RPS6KA2: variants seen among roughly 807,000 people sequenced by gnomAD.
RPS6KA2 encodes the protein ribosomal protein S6 kinase A2.
A neutral mutation model predicts 91.8 loss-of-function variants in RPS6KA2; 42 were observed. The ratio of observed to expected loss-of-function variants is 0.46; its 90% CI spans 0.36 to 0.59. RPS6KA2 has a LOEUF of 0.59. Among genes scored for constraint, RPS6KA2 ranks in the 20% least tolerant of loss-of-function variants. RPS6KA2 has a pLI of 0.00. For synonymous variants in RPS6KA2, 414 were observed against 393.6 expected (o/e 1.05, Z -0.61); for missense variants, 798 against 978.5 (o/e 0.82, Z 2.46).
rs183031209 is a variant in RPS6KA2 at position 166,844,779 on chromosome 6, T to C, written c.123+13421A>G. On this transcript the variant is annotated intron_variant, in intron 2 of 21. Transcript: ENST00000503859. ...GAGAACTGCTAGAAGGAGCCCTAAATCTTGAAACAAATCCTCTAAATACAC... is the reference window on the plus strand; with the variant it reads ...GAGAACTGCTAGAAGGAGCCCTAAACCTTGAAACAAATCCTCTAAATACAC... Among the ~76,000 whole-genome samples, 67 of 152,256 alleles carry C rather than the reference T, an allele frequency of 4.4e-4. 1 individual carries two copies. Among genetic ancestry groups the C allele is most frequent in the African/African-American group, 1.4e-3 (60 of 41,568 alleles).
At chr6:166,528,531 A>T (rs922683482) in intron 3 of RPS6KA2, among the ~76,000 whole-genome samples, 3 of 149,852 alleles carry the variant, frequency 2.0e-5, no homozygotes, top group Admixed American at 6.7e-5. Flanking sequence ...TGTCTAAAAC[A>T]CCAAAAGCAA....
intron 2 of RPS6KA2, among the ~76,000 whole-genome samples, chr6:166,649,706 A>C (rs753098849): frequency 6.6e-6 from 1 of 152,204 alleles, no homozygotes. Context: ...GGACCATGCA[A>C]TGGATGGGAT....
intron 2 of RPS6KA2, among the ~76,000 whole-genome samples, chr6:166,689,149 C>T (rs1280981483): frequency 6.6e-6 from 1 of 152,254 alleles, no homozygotes; most frequent in African/African-American, 2.4e-5. Context: ...CAAAAGCGCT[C>T]CCCTACCAAA....
chr6:166,717,584 C>T (rs1269201280), intron 2 of RPS6KA2, among the ~76,000 whole-genome samples: 3 of 152,164 alleles, frequency 2.0e-5, no homozygotes, highest in Non-Finnish European at 2.9e-5. Flanking sequence ...ACAGATCCCG[C>T]GGGTGAAGTT....
chr6:166,510,224 C>G (rs1782412710), intron 4 of RPS6KA2, 53 bp downstream of exon 4: 1 of 1,082,624 alleles, frequency 9.2e-7, no homozygotes, highest in Admixed American at 1.9e-5. Context: ...TTTCTTTGAT[C>G]TGGAGAAGGT....
intron 13 of RPS6KA2, among the ~76,000 whole-genome samples, chr6:166,449,311 A>G (rs1372589813): frequency 6.6e-6 from 1 of 152,106 alleles, no homozygotes; most frequent in Non-Finnish European, 1.5e-5. Context: ...GCTCTTAACT[A>G]AGACAGAAAG....
At chr6:166,609,663 C>A (rs1007913683) in intron 1 of RPS6KA2, among the ~76,000 whole-genome samples, 2 of 152,024 alleles carry the variant, frequency 1.3e-5, no homozygotes, top group Non-Finnish European at 2.9e-5. Context: ...CCACTCCCAG[C>A]TAATTTTTGT....
intron 2 of RPS6KA2, among the ~76,000 whole-genome samples, chr6:166,755,212 C>T (rs1472787792): frequency 6.6e-6 from 1 of 152,162 alleles, no homozygotes; most frequent in Non-Finnish European, 1.5e-5. Context: ...GGCAGATCTT[C>T]CAAGGGCAGC....
intron 8 of RPS6KA2, among the ~76,000 whole-genome samples, chr6:166,491,614 G>C (rs1002138493): frequency 3.3e-5 from 5 of 152,214 alleles, no homozygotes; most frequent in African/African-American, 1.2e-4. Flanking sequence ...GGAAGCAGGT[G>C]TTTCCATGGT....
At chr6:166,455,686 G>A (rs375355034) in intron 12 of RPS6KA2, among the ~76,000 whole-genome samples, 2 of 152,174 alleles carry the variant, frequency 1.3e-5, no homozygotes, top group Non-Finnish European at 2.9e-5. Context: ...CTTTCTGAGC[G>A]GCTCTGCTTC....
At chr6:166,760,475 T>C (rs1485278499) in intron 2 of RPS6KA2, among the ~76,000 whole-genome samples, 1 of 152,016 alleles carries the variant, frequency 6.6e-6, no homozygotes, top group Non-Finnish European at 1.5e-5. Flanking sequence ...TCGCACAGAG[T>C]ATGTGGGCAC....
intron 11 of RPS6KA2, chr6:166,463,607 G>A (rs1172793530): frequency 1.3e-5 from 2 of 152,146 alleles, no homozygotes; most frequent in Non-Finnish European, 2.9e-5. Context: ...AGTGAGAAGA[G>A]GACCGAGACA....
At chr6:166,526,555 T>G (rs1459036329) in intron 3 of RPS6KA2, among the ~76,000 whole-genome samples, 1 of 152,020 alleles carries the variant, frequency 6.6e-6, no homozygotes, top group Non-Finnish European at 1.5e-5. Flanking sequence ...GGTCTTAACA[T>G]GTTGCCTAAG....
At chr6:166,824,494 C>T (rs184577367) in intron 2 of RPS6KA2, among the ~76,000 whole-genome samples, 48 of 152,234 alleles carry the variant, frequency 3.2e-4, no homozygotes, top group Admixed American at 2.4e-3. Context: ...ATATTTAATC[C>T]GACCCTAAGT....
At chr6:166,446,190 G>C (rs1004994775) in intron 14 of RPS6KA2, among the ~76,000 whole-genome samples, 12 of 152,186 alleles carry the variant, frequency 7.9e-5, no homozygotes, top group Non-Finnish European at 4.4e-5. Flanking sequence ...CCAAACAACC[G>C]TGTCTACCTG....
intron 1 of RPS6KA2, among the ~76,000 whole-genome samples, chr6:166,593,426 C>T (rs1210684697): frequency 6.6e-6 from 1 of 152,154 alleles, no homozygotes; most frequent in East Asian, 1.9e-4. Flanking sequence ...CTGGCTCACA[C>T]TACAGTCAAC....
chr6:166,683,229 G>A (rs1207567281), intron 2 of RPS6KA2, among the ~76,000 whole-genome samples: 1 of 152,260 alleles, frequency 6.6e-6, no homozygotes, highest in Non-Finnish European at 1.5e-5. Context: ...GTGCCTCTGT[G>A]TTGGAGAGTA....
chr6:166,512,579 T>A (rs912716984), intron 3 of RPS6KA2, among the ~76,000 whole-genome samples: 1 of 152,226 alleles, frequency 6.6e-6, no homozygotes, highest in Non-Finnish European at 1.5e-5. Flanking sequence ...GAAGTCCACC[T>A]TTGTCTTTGG....
rs141871876 is a variant in RPS6KA2 at position 166,454,259 on chromosome 6, G to T, written c.1076-3026C>A. On this transcript the variant is annotated intron_variant, in intron 12 of 20. Coordinates refer to ENST00000265678, the MANE Select transcript of RPS6KA2 (RefSeq NM_021135.6). ...TCACACCTGTAATCTCAGCACTTTG[G>T]GAGGCTGAGGTGGGCAGATCACGAG... Among the ~76,000 whole-genome samples the T allele has an allele frequency of 1.8e-3, 279 of 152,282 alleles. 10 individuals are homozygous for T. In the East Asian group the frequency reaches 0.048, roughly 26 times the overall value.
Sources: allele counts gnomAD v4.1 joint callset (sites outside exome capture counted in the v4.1 genomes callset), GRCh38; gene constraint gnomAD v4.1.1; transcripts MANE v1.5; gene names NCBI Gene and HGNC (gene_info 2026-07-23, HGNC 2026-07-21).